The following LSAMP variants were observed in gnomAD, a reference collection of about 807,000 sequenced individuals.
LSAMP encodes the protein limbic system associated membrane protein, also known as limbic system-associated membrane protein.
In LSAMP, 7 loss-of-function variants were observed where a neutral mutation model predicts 38.6. That is an observed-to-expected ratio of 0.18 (90% CI 0.10 to 0.34). The LOEUF is 0.34. Ranked by LOEUF, LSAMP falls within the 10% of genes least tolerant of loss-of-function variation. The pLI, the probability that LSAMP is intolerant of heterozygous loss-of-function variation, is 1.00. For synonymous variants in LSAMP, 154 were observed against 166.8 expected, an observed-to-expected ratio of 0.92 and a Z score of 0.59; for missense variants, 313 against 420.0, an observed-to-expected ratio of 0.75 and a Z score of 2.23.
intron 1 of LSAMP, among the ~76,000 whole-genome samples, chr3:116,145,733 A>T (rs1008016939): frequency 3.3e-5 from 5 of 151,896 alleles, no homozygotes; most frequent in African/African-American, 1.2e-4. Context: ...AATATATAGG[A>T]ATATTACTCA....
intron 3 of LSAMP, among the ~76,000 whole-genome samples, chr3:115,956,130 G>T (rs1459403349): frequency 6.6e-6 from 1 of 151,942 alleles, no homozygotes; most frequent in Non-Finnish European, 1.5e-5. Context: ...AACTTTTAGA[G>T]CTTGTGTGCT....
intron 1 of LSAMP, among the ~76,000 whole-genome samples, chr3:116,241,571 CAGAT>C (rs1399737862): frequency 3.3e-5 from 5 of 151,360 alleles, no homozygotes; most frequent in African/African-American, 9.8e-5. Context: ...GTCTAAAAAA[CAGAT>C]AGATAGATAG....
intron 1 of LSAMP, among the ~76,000 whole-genome samples, chr3:116,425,753 T>TAAA (rs2049186603): frequency 2.6e-5 from 4 of 151,508 alleles, no homozygotes; most frequent in African/African-American, 7.3e-5. Context: ...AATAAATAAA[T>TAAA]TAATTAATTA....
chr3:115,884,936 A>G (rs16824243), intron 3 of LSAMP, among the ~76,000 whole-genome samples: 22,783 of 152,006 alleles, frequency 0.15, 2,081 homozygotes, highest in African/African-American at 0.26. Flanking sequence ...GGTCAGGCAA[A>G]TTGATTTTGA....
chr3:115,830,541 GGAGTT>G (rs1450741804), intron 6 of LSAMP, among the ~76,000 whole-genome samples: 3 of 152,124 alleles, frequency 2.0e-5, no homozygotes, highest in Admixed American at 6.5e-5. Context: ...TAGGGTTTTG[GGAGTT>G]GAGTTAATAC....
intron 1 of LSAMP, among the ~76,000 whole-genome samples, chr3:116,203,249 C>G (rs981995809): frequency 4.6e-5 from 7 of 152,116 alleles, no homozygotes; most frequent in African/African-American, 1.7e-4. Context: ...ATTATGTTCT[C>G]TTCAGTAGAT....
intron 1 of LSAMP, among the ~76,000 whole-genome samples, chr3:116,272,733 C>A (rs2046991084): frequency 2.0e-5 from 3 of 152,104 alleles, no homozygotes; most frequent in Admixed American, 2.0e-4. Flanking sequence ...TCAGGATACA[C>A]AAATAATGTC....
At chr3:115,991,707 ATTC>A (rs1205412169) in intron 3 of LSAMP, among the ~76,000 whole-genome samples, 1 of 152,098 alleles carries the variant, frequency 6.6e-6, no homozygotes, top group Non-Finnish European at 1.5e-5. Context: ...TGTCTAACCT[ATTC>A]TTCTTTATAG....
At chr3:116,281,977 G>A (rs959591051) in intron 1 of LSAMP, among the ~76,000 whole-genome samples, 5 of 152,192 alleles carry the variant, frequency 3.3e-5, no homozygotes, top group Non-Finnish European at 7.4e-5. Flanking sequence ...TTTCACTGTT[G>A]TTGTGGAAAG....
chr3:115,896,314 T>G (rs975830677), intron 3 of LSAMP, among the ~76,000 whole-genome samples: 1 of 152,062 alleles, frequency 6.6e-6, no homozygotes, highest in African/African-American at 2.4e-5. Flanking sequence ...AAAATAATGG[T>G]CTTTAGCTGT....
intron 1 of LSAMP, among the ~76,000 whole-genome samples, chr3:116,304,027 G>A (rs1005285374): frequency 1.1e-4 from 16 of 152,190 alleles, no homozygotes; most frequent in East Asian, 1.9e-4. Flanking sequence ...TGATTTTTAC[G>A]TTACTGAACG....
intron 6 of LSAMP, among the ~76,000 whole-genome samples, chr3:115,819,963 C>T (rs1240425018): frequency 6.6e-6 from 1 of 151,586 alleles, no homozygotes; most frequent in Non-Finnish European, 1.5e-5. Flanking sequence ...CATGCTCCTA[C>T]GTGCTGTGCA....
At chr3:116,369,655 T>G (rs2048403869) in intron 1 of LSAMP, among the ~76,000 whole-genome samples, 1 of 152,110 alleles carries the variant, frequency 6.6e-6, no homozygotes, top group Non-Finnish European at 1.5e-5. Flanking sequence ...TTGACTGGAA[T>G]TACGTCTCTC....
chr3:116,170,563 G>T (rs1467411944), intron 1 of LSAMP, among the ~76,000 whole-genome samples: 1 of 152,128 alleles, frequency 6.6e-6, no homozygotes, highest in African/African-American at 2.4e-5. Context: ...TAGCATACCA[G>T]CCTCTGACAT....
At chr3:115,989,978 G>A (rs61025769) in intron 3 of LSAMP, among the ~76,000 whole-genome samples, 35,636 of 151,842 alleles carry the variant, frequency 0.23, 4,548 homozygotes, top group African/African-American at 0.35. Flanking sequence ...TAATATAAGT[G>A]GATAGATTGT....
chr3:115,910,554 T>G (rs1379386868), intron 3 of LSAMP, among the ~76,000 whole-genome samples: 2 of 152,184 alleles, frequency 1.3e-5, no homozygotes, highest in African/African-American at 2.4e-5. Flanking sequence ...TCTACCTAGT[T>G]TCTCCCAACG....
chr3:115,854,794 A>G (rs1040368900), intron 3 of LSAMP, among the ~76,000 whole-genome samples: 5 of 152,206 alleles, frequency 3.3e-5, no homozygotes, highest in African/African-American at 1.2e-4. Flanking sequence ...GAACATAAAT[A>G]CCCTGAAGGC....
At chr3:115,862,569 A>G (rs11709016) in intron 3 of LSAMP, among the ~76,000 whole-genome samples, 2,188 of 152,324 alleles carry the variant, frequency 0.014, 30 homozygotes, top group Non-Finnish European at 0.022. Context: ...TAAAGTCAAT[A>G]CATAAGTAAT....
At chr3:116,408,708 T>C (rs2107835702) in intron 1 of LSAMP, among the ~76,000 whole-genome samples, 1 of 152,198 alleles carries the variant, frequency 6.6e-6, no homozygotes, top group African/African-American at 2.4e-5. Flanking sequence ...AGTTAATGGC[T>C]GAGTCTATCT....
Sources: gnomAD v4.1 joint callset for allele counts (sites outside exome capture counted in the v4.1 genomes callset) on GRCh38, gnomAD v4.1.1 for gene constraint, MANE v1.5 for transcripts, NCBI Gene and HGNC (gene_info 2026-07-23, HGNC 2026-07-21) for gene names.